Variants in FBXL7 observed in about 807,000 individuals in gnomAD.
The protein encoded by FBXL7 is F-box and leucine rich repeat protein 7.
FBXL7 carries 12 observed loss-of-function variants against 38.3 expected under a neutral mutation model. The ratio of observed to expected loss-of-function variants is 0.31; its 90% confidence interval spans 0.20 to 0.51. The LOEUF (loss-of-function observed/expected upper bound fraction) is 0.51, where lower values mean the gene tolerates loss of function less well. Among genes scored for constraint, FBXL7 ranks in the 20% least tolerant of loss-of-function variants. FBXL7 has a pLI of 0.98. For synonymous variants in FBXL7, 297 were observed against 300.9 expected (o/e 0.99, Z 0.13); for missense variants, 567 against 676.4 (o/e 0.84, Z 1.79).
intron 2 of FBXL7, among the ~76,000 whole-genome samples, chr5:15,760,198 T>C (rs1194815836): frequency 1.3e-5 from 2 of 152,090 alleles, no homozygotes; most frequent in Non-Finnish European, 2.9e-5. Context: ...CTCTAAATTG[T>C]CTGGAGAGTT....
At chr5:15,705,512 T>C (rs1386915869) in intron 2 of FBXL7, among the ~76,000 whole-genome samples, 1 of 152,216 alleles carries the variant, frequency 6.6e-6, no homozygotes, top group Non-Finnish European at 1.5e-5. Flanking sequence ...GGAAGACAGA[T>C]TGGCAAAATA....
chr5:15,752,567 C>T (rs747422014), intron 2 of FBXL7, among the ~76,000 whole-genome samples: 7 of 152,036 alleles, frequency 4.6e-5, no homozygotes, highest in Non-Finnish European at 1.0e-4. Flanking sequence ...AGGACCAAGA[C>T]AAGTAACAGG....
At chr5:15,906,424 T>A (rs1231641158) in intron 2 of FBXL7, among the ~76,000 whole-genome samples, 1 of 135,572 alleles carries the variant, frequency 7.4e-6, no homozygotes, top group Non-Finnish European at 1.6e-5. Context: ...TTTACATAGT[T>A]GACCTAGAAG....
intron 2 of FBXL7, among the ~76,000 whole-genome samples, chr5:15,844,820 A>G (rs1202861504): frequency 6.6e-6 from 1 of 152,144 alleles, no homozygotes; most frequent in East Asian, 1.9e-4. Context: ...AAAAATGACA[A>G]TATTTCTGTA....
At chr5:15,532,360 T>A (rs1007583786) in intron 1 of FBXL7, among the ~76,000 whole-genome samples, 1 of 152,150 alleles carries the variant, frequency 6.6e-6, no homozygotes, top group Non-Finnish European at 1.5e-5. Flanking sequence ...AACTAATTGG[T>A]TGTTAAGAGG....
At chr5:15,839,310 C>T (rs1738679118) in intron 2 of FBXL7, among the ~76,000 whole-genome samples, 1 of 151,974 alleles carries the variant, frequency 6.6e-6, no homozygotes, top group African/African-American at 2.4e-5. Context: ...ATAATTCTCT[C>T]CCCTGACATC....
chr5:15,715,986 C>T (rs879724233), intron 2 of FBXL7, among the ~76,000 whole-genome samples: 6 of 152,196 alleles, frequency 3.9e-5, no homozygotes, highest in Admixed American at 3.9e-4. Flanking sequence ...AATGGTAGTG[C>T]TAAATTACAT....
chr5:15,928,153 A>C lies in FBXL7; in HGVS notation c.391A>C (p.Thr131Pro). 6.2e-7 allele frequency: 1 copy of C among 1,610,548 alleles called. No homozygotes were observed. ...GGTGCAGATCTTCTCCTTCCTGCCC[A>C]CCAACCAGCTGTGCCGCTGCGCGCG... The part of the protein sequence containing the change: ...SMVQIFSFLP[T>P]NQLCRCARVC... The change falls in exon 3 of 4, where the codon ACC becomes CCC. Residue 131 changes from threonine (T) to proline (P), a missense_variant. By Grantham distance (38) the Thr-to-Pro change is conservative. Coordinates refer to ENST00000504595, the MANE Select transcript of FBXL7 (RefSeq NM_012304.5). This position sits in a 1 kb window ranked among gnomAD's most constrained non-coding sequence, Gnocchi z 4.0.
At chr5:15,541,050 ATGTG>A (rs113578475) in intron 1 of FBXL7, among the ~76,000 whole-genome samples, 10 of 149,240 alleles carry the variant, frequency 6.7e-5, no homozygotes, top group African/African-American at 9.8e-5. Flanking sequence ...ATGTGTCGGA[ATGTG>A]TGTGTGTGTG....
chr5:15,843,346 T>C lies in FBXL7; in HGVS notation c.128-84544T>C, dbSNP rs528651688. 3.5e-4 allele frequency among the ~76,000 whole-genome samples: 54 copies of C among 152,318 alleles called. 2 individuals are homozygous for C. The highest frequency in any genetic ancestry group is 1.2e-3 in the African/African-American group (51 of 41,570). ...CACACATTTGCTTATTGGCGTGTAG[T>C]CTTTCTGGCTTTCCTGTCTAAATGA... On this transcript the variant is annotated intron_variant, in intron 2 of 3. Transcript: ENST00000504595.
At chr5:15,502,181 G>C (rs1433021950) in intron 1 of FBXL7, among the ~76,000 whole-genome samples, 1 of 150,782 alleles carries the variant, frequency 6.6e-6, no homozygotes. Context: ...GAACACTGTC[G>C]GGGGGAGAAA....
At chr5:15,562,735 C>T (rs1320678129) in intron 1 of FBXL7, among the ~76,000 whole-genome samples, 4 of 152,054 alleles carry the variant, frequency 2.6e-5, no homozygotes, top group Non-Finnish European at 5.9e-5. Context: ...CTCCTCCTTC[C>T]CTCTTTCTTT....
chr5:15,604,349 CTTTTA>C (rs1164216075), intron 1 of FBXL7, among the ~76,000 whole-genome samples: 10 of 152,014 alleles, frequency 6.6e-5, no homozygotes, highest in Admixed American at 1.3e-4. Context: ...ACTTAGATAA[CTTTTA>C]TTTTATTTTA....
intron 1 of FBXL7, among the ~76,000 whole-genome samples, chr5:15,505,690 T>G: frequency 6.6e-6 from 1 of 152,168 alleles, no homozygotes; most frequent in East Asian, 1.9e-4. Context: ...TACATTTTAA[T>G]TAGAGCAGGC....
intron 1 of FBXL7, among the ~76,000 whole-genome samples, chr5:15,594,469 A>G (rs1170848035): frequency 2.0e-5 from 3 of 152,242 alleles, no homozygotes; most frequent in Non-Finnish European, 4.4e-5. Context: ...GGGAGTACCC[A>G]TTGGCCTCTC....
chr5:15,902,998 C>T (rs1375228440), intron 2 of FBXL7, among the ~76,000 whole-genome samples: 1 of 152,198 alleles, frequency 6.6e-6, no homozygotes, highest in African/African-American at 2.4e-5. Flanking sequence ...TGCAAAAGTG[C>T]TTGGGCAGGA....
intron 2 of FBXL7, among the ~76,000 whole-genome samples, chr5:15,812,277 G>T (rs1423816441): frequency 6.6e-6 from 1 of 152,084 alleles, no homozygotes; most frequent in African/African-American, 2.4e-5. Flanking sequence ...TCATAAGTGG[G>T]AGTTGAACAA....
At chr5:15,827,145 G>A (rs1738337243) in intron 2 of FBXL7, among the ~76,000 whole-genome samples, 1 of 152,018 alleles carries the variant, frequency 6.6e-6, no homozygotes, top group South Asian at 2.1e-4. Context: ...GCATCACCCT[G>A]CTCTGCTCTG....
chr5:15,871,232 C>G (rs1364243376), intron 2 of FBXL7, among the ~76,000 whole-genome samples: 1 of 152,142 alleles, frequency 6.6e-6, no homozygotes, highest in Non-Finnish European at 1.5e-5. Flanking sequence ...GGAAAACTAA[C>G]AAACAAAAAG....
Sources: allele counts gnomAD v4.1 joint callset (sites outside exome capture counted in the v4.1 genomes callset), GRCh38; gene constraint gnomAD v4.1.1; non-coding constraint Gnocchi (gnomAD v3.1); transcripts MANE v1.5; gene names NCBI Gene and HGNC (gene_info 2026-07-23, HGNC 2026-07-21).